Variants in TMCO4 observed in about 807,000 individuals in gnomAD.
TMCO4 encodes the protein transmembrane and coiled-coil domains 4.
TMCO4 carries 58 observed loss-of-function variants against 64.7 expected under a neutral mutation model. The observed-to-expected ratio is 0.90, with a 90% CI of 0.73 to 1.12. TMCO4 has a LOEUF of 1.12. Among genes scored for constraint, TMCO4 ranks in the 50% most tolerant of loss-of-function variants. The pLI is 0.00. For synonymous variants in TMCO4, 325 were observed against 346.1 expected, an observed-to-expected ratio of 0.94 and a Z score of 0.68; for missense variants, 780 against 825.9, an observed-to-expected ratio of 0.94 and a Z score of 0.68.
intron 4 of TMCO4, among the ~76,000 whole-genome samples, chr1:19,777,045 A>G (rs1019800331): frequency 8.9e-4 from 135 of 151,528 alleles, no homozygotes; most frequent in South Asian, 1.9e-3. Flanking sequence ...AAAAAAAAAA[A>G]AAAAGAAAAG....
chr1:19,725,382 T>C (rs1274518684), intron 13 of TMCO4, among the ~76,000 whole-genome samples: 1 of 152,206 alleles, frequency 6.6e-6, no homozygotes, highest in Non-Finnish European at 1.5e-5. Context: ...GAAGCAGCAA[T>C]TGATTTCCTA....
intron 6 of TMCO4, among the ~76,000 whole-genome samples, chr1:19,756,424 T>TA (rs975276353): frequency 4.0e-5 from 6 of 151,068 alleles, no homozygotes; most frequent in Middle Eastern, 3.2e-3. Flanking sequence ...ATCAACAACT[T>TA]AAAAAAAAAT....
chr1:19,699,486 CATATATATATAT>C (rs10587817), intron 14 of TMCO4, among the ~76,000 whole-genome samples: 1 of 136,416 alleles, frequency 7.3e-6, no homozygotes, highest in Non-Finnish European at 1.6e-5. Flanking sequence ...TTTTCATATA[CATATATATATAT>C]ATATATATAT....
intron 13 of TMCO4, among the ~76,000 whole-genome samples, chr1:19,722,182 G>A (rs759056113): frequency 1.3e-5 from 2 of 152,208 alleles, no homozygotes; most frequent in Non-Finnish European, 2.9e-5. Context: ...TGAACCAGAC[G>A]ATTTCAAACG....
rs139338362 is a variant in TMCO4 at position 19,735,916 on chromosome 1, C to A, written c.1264+1456G>T. ...AGAGAGGATGGCAACTTTTCAAAGG[C>A]TTCCCTGGGAAAAGTAGATTTGGAG... On this transcript the variant is annotated intron_variant, in intron 13 of 15. Transcript: ENST00000294543. 4.5e-3 allele frequency among the ~76,000 whole-genome samples: 687 copies of A among 152,250 alleles called. 3 individuals carry two copies. The highest frequency in any genetic ancestry group is 0.015 in the African/African-American group (620 of 41,544).
Position 19,736,302 on chromosome 1 carries a change from G to T in TMCO4, c.1264+1070C>A, listed in dbSNP as rs192147021. Reference sequence around the variant, plus strand: ...TATTCACTATCATGGAAACAGCATGGGGAAAACCCACCCCCCTGATTCAAT... The same window carrying T: ...TATTCACTATCATGGAAACAGCATGTGGAAAACCCACCCCCCTGATTCAAT... On this transcript the variant is annotated intron_variant, in intron 13 of 15. Coordinates refer to ENST00000294543, the MANE Select transcript of TMCO4 (RefSeq NM_181719.7). Among the ~76,000 whole-genome samples the T allele has an allele frequency of 1.8e-3, 269 of 152,184 alleles. 1 individual carries two copies. Among genetic ancestry groups the T allele is most frequent in the Middle Eastern group, 0.01 (3 of 294 alleles).
In TMCO4 at chr1:19,784,052, C is replaced by T. The variant is rs74800856; in HGVS notation, c.-9+2974G>A. ...TTTCCACTACATTTAATCAACTCCA[C>T]GTGCCACTTGGAGGCTATATTGATC... On this transcript the variant is annotated intron_variant, in intron 3 of 15. Transcript: ENST00000294543. Among the ~76,000 whole-genome samples, 304 of 152,338 alleles carry T rather than the reference C, an allele frequency of 2.0e-3. 2 individuals are homozygous for T. Among genetic ancestry groups the T allele is most frequent in the Non-Finnish European group, 3.5e-3 (239 of 68,040 alleles).
At chr1:19,689,128 G>A (rs1409489749) in intron 15 of TMCO4, among the ~76,000 whole-genome samples, 1 of 152,198 alleles carries the variant, frequency 6.6e-6, no homozygotes, top group Admixed American at 6.5e-5. Flanking sequence ...GGTCTCTGTT[G>A]GGAGCAGAGG....
At chr1:19,697,124 C>T (rs1384725719) in intron 14 of TMCO4, among the ~76,000 whole-genome samples, 3 of 152,188 alleles carry the variant, frequency 2.0e-5, no homozygotes, top group Non-Finnish European at 2.9e-5. Flanking sequence ...CTGTGCTGGA[C>T]GTGTGTGTGC....
chr1:19,759,381 C>G (rs2042402827), intron 6 of TMCO4, among the ~76,000 whole-genome samples: 1 of 152,202 alleles, frequency 6.6e-6, no homozygotes, highest in South Asian at 2.1e-4. Flanking sequence ...ACAGCAGCCA[C>G]TGAGCTTCTT....
intron 7 of TMCO4, among the ~76,000 whole-genome samples, chr1:19,755,084 T>C (rs1290840665): frequency 6.6e-6 from 1 of 152,086 alleles, no homozygotes; most frequent in African/African-American, 2.4e-5. Context: ...GATGTTAAAG[T>C]CACAGATTCA....
chr1:19,791,017 A>T (rs1282405754), intron 2 of TMCO4, among the ~76,000 whole-genome samples: 1 of 152,226 alleles, frequency 6.6e-6, no homozygotes, highest in Non-Finnish European at 1.5e-5. Flanking sequence ...AGGGATATGG[A>T]TGGAGCTGGG....
rs2095476638 is a variant in TMCO4, at chr1:19,740,928, G to C, written c.891C>G (p.Ala297=). ...LASGKYRTFS[A]PWAALAHSRE... Reference sequence around the variant, plus strand: ...GGCTGTGGGCCAGGGCAGCCCACGGGGCACTGAAGGTGCCTGGGGAGATCA... The same window carrying C: ...GGCTGTGGGCCAGGGCAGCCCACGGCGCACTGAAGGTGCCTGGGGAGATCA... The change falls in exon 11 of 16, where the codon GCC becomes GCG. Residue 297 remains alanine (A), a synonymous_variant. Coordinates refer to ENST00000294543, the MANE Select transcript of TMCO4 (RefSeq NM_181719.7). The C allele has an allele frequency of 6.2e-7, 1 of 1,610,916 alleles. No homozygotes were observed. Among genetic ancestry groups the C allele is most frequent in the Non-Finnish European group, 8.5e-7 (1 of 1,178,732 alleles).
At chr1:19,740,303 T>C (rs986290764) in intron 11 of TMCO4, among the ~76,000 whole-genome samples, 5 of 152,152 alleles carry the variant, frequency 3.3e-5, no homozygotes, top group Non-Finnish European at 7.3e-5. Flanking sequence ...AAGACATTAA[T>C]AGATGTGAGG....
chr1:19,715,917 A>G lies in TMCO4; in HGVS notation c.1265-15032T>C, dbSNP rs145603651. On this transcript the variant is annotated intron_variant, in intron 13 of 15. Coordinates refer to ENST00000294543, the MANE Select transcript of TMCO4 (RefSeq NM_181719.7). ...GAGTGGGGTCTGATCACATCCTAGA[A>G]AGCCTGCCCCTCCCTGGAGTCCCTG... Among the ~76,000 whole-genome samples the G allele has an allele frequency of 1.4e-3, 211 of 152,276 alleles. 1 individual carries two copies. The highest frequency in any genetic ancestry group is 4.8e-3 in the African/African-American group (199 of 41,566).
intron 2 of TMCO4, among the ~76,000 whole-genome samples, chr1:19,788,936 G>A (rs888945189): frequency 3.3e-5 from 5 of 152,054 alleles, no homozygotes; most frequent in African/African-American, 1.2e-4. Context: ...TTAGCCAGGT[G>A]TGCTGGCACG....
chr1:19,700,978 A>T, intron 13 of TMCO4, 93 bp from the exon 14 acceptor site: 1 of 929,698 alleles, frequency 1.1e-6, no homozygotes, highest in Non-Finnish European at 1.7e-6. Context: ...TGAATGTCAC[A>T]CACATACACA....
intron 13 of TMCO4, 39 bp from the exon 14 acceptor site, chr1:19,700,924 G>A: frequency 1.3e-6 from 2 of 1,565,456 alleles, no homozygotes; most frequent in South Asian, 2.2e-5. Context: ...AGTGTCCCTG[G>A]CCACATTGGG....
In TMCO4 at chr1:19,683,269, A is replaced by G. The variant is rs1253819659; in HGVS notation, c.1676T>C (p.Val559Ala). 6.8e-6 allele frequency: 11 copies of G among 1,613,944 alleles called. No individual in the cohort carries two copies. The highest frequency in any genetic ancestry group is 3.3e-5 in the South Asian group (3 of 91,088). ...GGATATGGGACCCTGGGTTTGCCCA[A>G]CCTGGTGGGGGGTCTCGCCTGATGA... ...AASSGETPHQVGQTQGPISGD... is the reference protein window; with the variant it reads ...AASSGETPHQAGQTQGPISGD... The change falls in exon 16 of 16, where the codon GTT (valine) becomes GCT (alanine). Residue 559 changes from valine (V) to alanine (A), a missense_variant. Coordinates refer to ENST00000294543, the MANE Select transcript of TMCO4 (RefSeq NM_181719.7).
Sources: allele counts gnomAD v4.1 joint callset (sites outside exome capture counted in the v4.1 genomes callset), GRCh38; gene constraint gnomAD v4.1.1; transcripts MANE v1.5; gene names NCBI Gene and HGNC (gene_info 2026-07-23, HGNC 2026-07-21).